CYP4X1: variants seen among roughly 807,000 people sequenced by gnomAD.
CYP4X1 encodes cytochrome P450 4X1.
CYP4X1 carries 44 observed loss-of-function variants against 57.9 expected under a neutral mutation model. The observed-to-expected ratio is 0.76, with a 90% CI of 0.60 to 0.98. CYP4X1 has a LOEUF of 0.98. CYP4X1 is among the 50% of genes least tolerant of loss of function. The probability of loss-of-function intolerance (pLI) is 0.00; values close to 1 mark genes in which losing one functional copy is unlikely to be tolerated. For synonymous variants in CYP4X1, 227 were observed against 228.6 expected (o/e 0.99, Z 0.06); for missense variants, 532 against 623.9 (o/e 0.85, Z 1.57).
At chr1:47,010,513 C>T in the CYP4X1 span, among the ~76,000 whole-genome samples, 367 of 152,290 alleles carry the variant, frequency 2.4e-3, 2 homozygotes, top group African/African-American at 8.4e-3. Flanking sequence ...GACAGGGATG[C>T]CCTCTCTCAC....
At chr1:46,984,289 G>T in the CYP4X1 span, among the ~76,000 whole-genome samples, 3 of 151,380 alleles carry the variant, frequency 2.0e-5, no homozygotes, top group Non-Finnish European at 4.4e-5. Flanking sequence ...CTCTCTGTGG[G>T]TTGCATTTCT....
chr1:46,963,394 G>A, the CYP4X1 span, among the ~76,000 whole-genome samples: 42 of 151,044 alleles, frequency 2.8e-4, no homozygotes, highest in Non-Finnish European at 5.9e-4. Flanking sequence ...GCTGGTACTG[G>A]TTGTTCCTTT....
the CYP4X1 span, among the ~76,000 whole-genome samples, chr1:47,010,854 C>T: frequency 2.1e-3 from 326 of 152,104 alleles, 1 homozygote; most frequent in Non-Finnish European, 3.9e-3. Context: ...TTACAAGGGA[C>T]GTGAAGGACC....
intron 2 of CYP4X1, among the ~76,000 whole-genome samples, chr1:47,031,043 A>C (rs1476689177): frequency 6.6e-6 from 1 of 152,204 alleles, no homozygotes; most frequent in Non-Finnish European, 1.5e-5. Context: ...CAAAAACACC[A>C]AGAGGCATTG....
At chr1:47,042,939 A>G (rs952048032) in intron 8 of CYP4X1, among the ~76,000 whole-genome samples, 6 of 152,152 alleles carry the variant, frequency 3.9e-5, no homozygotes, top group Non-Finnish European at 8.8e-5. Context: ...TGTCTTTTTC[A>G]TATAATGACT....
At chr1:47,051,603 A>G (rs1358145503), downstream of CYP4X1, among the ~76,000 whole-genome samples, 1 of 152,164 alleles carries the variant, frequency 6.6e-6, no homozygotes, top group African/African-American at 2.4e-5. Flanking sequence ...ATCATCACTT[A>G]TAACATGATG....
upstream of CYP4X1, among the ~76,000 whole-genome samples, chr1:47,021,555 C>CT (rs1557598612): frequency 6.6e-6 from 1 of 152,156 alleles, no homozygotes; most frequent in South Asian, 2.1e-4. Context: ...TACCTTGCAT[C>CT]TTTTTTTGGA....
At chr1:46,978,427 A>T in the CYP4X1 span, among the ~76,000 whole-genome samples, 3 of 152,164 alleles carry the variant, frequency 2.0e-5, no homozygotes, top group Non-Finnish European at 4.4e-5. Flanking sequence ...AGAAGAGCTA[A>T]CTATTCTAAA....
the CYP4X1 span, among the ~76,000 whole-genome samples, chr1:46,992,732 A>C: frequency 6.6e-6 from 1 of 152,152 alleles, no homozygotes; most frequent in African/African-American, 2.4e-5. Context: ...ATCTGTTCAA[A>C]TCCCTGTTTT....
the CYP4X1 span, among the ~76,000 whole-genome samples, chr1:46,990,522 C>T: frequency 6.6e-6 from 1 of 152,264 alleles, no homozygotes; most frequent in Non-Finnish European, 1.5e-5. Context: ...ACTAGAAATA[C>T]CATTTGACCC....
rs61742240 is a variant in CYP4X1, at chr1:47,046,539, G to A, written c.1146G>A (p.Pro382=). 32 of 1,613,930 alleles carry A rather than the reference G, an allele frequency of 2.0e-5. No individual in the cohort carries two copies. The highest frequency in any genetic ancestry group is 1.6e-4 in the Middle Eastern group (1 of 6,084). Residue 382 remains proline, a synonymous_variant, in exon 9 of 12, where the codon CCG becomes CCA. Transcript: ENST00000371901. ...CGTGCCGATTGATTCCTGCAGTCCC[G>A]TCCATTTCCAGAGATCTCAGCAAGC... The part of the protein sequence containing the change: ...KETCRLIPAV[P]SISRDLSKPL...
chr1:47,038,865 T>C lies in CYP4X1; in HGVS notation c.882+99T>C, dbSNP rs1018449133. ...GATGGGGAGACAAGAATAAAACCGA[T>C]TGACTAAATTTAACTGTACTTTGAA... On this transcript the variant is annotated intron_variant, in intron 7 of 11. Coordinates refer to ENST00000371901, the MANE Select transcript of CYP4X1 (RefSeq NM_178033.2). 6.5e-5 allele frequency: 55 copies of C among 847,176 alleles called. No homozygotes were observed. The South Asian group carries it at 7.0e-4, about 11-fold the overall frequency. 52.5% of individuals were successfully genotyped at this position (847,176 alleles called of 1,614,324 possible).
Position 47,050,085 on chromosome 1 carries a change from C to T in CYP4X1, c.1441C>T (p.Pro481Ser). Reference sequence around the variant, plus strand: ...GCTCCACTTCAGAGTGACTCCAGACCCCACCAGGCCTCTTACTTTCCCCAA... The same window carrying T: ...GCTCCACTTCAGAGTGACTCCAGACTCCACCAGGCCTCTTACTTTCCCCAA... ...ILLHFRVTPD[P>S]TRPLTFPNHF... Residue 481 changes from proline to serine, a missense_variant, in exon 12 of 12, where the codon CCC becomes TCC. Pro to Ser is a moderately conservative substitution (Grantham distance 74, BLOSUM62 -1). Transcript: ENST00000371901. The T allele has an allele frequency of 6.2e-7, 1 of 1,613,950 alleles. No homozygotes were observed. The highest frequency in any genetic ancestry group is 8.5e-7 in the Non-Finnish European group (1 of 1,179,990).
the CYP4X1 span, among the ~76,000 whole-genome samples, chr1:46,980,322 A>C: frequency 1.3e-5 from 2 of 152,328 alleles, no homozygotes; most frequent in Admixed American, 6.5e-5. Context: ...AAGCATTCTT[A>C]TACACCAATA....
chr1:47,003,359 A>C, the CYP4X1 span, among the ~76,000 whole-genome samples: 1 of 152,198 alleles, frequency 6.6e-6, no homozygotes. Context: ...AATTGTCCCC[A>C]TATTGGGTGA....
the CYP4X1 span, among the ~76,000 whole-genome samples, chr1:46,992,398 GC>G: frequency 1.3e-5 from 2 of 152,084 alleles, no homozygotes; most frequent in African/African-American, 4.8e-5. Context: ...TAACCATTAA[GC>G]AATACTTCCC....
chr1:46,975,335 G>C, the CYP4X1 span, among the ~76,000 whole-genome samples: 1 of 151,988 alleles, frequency 6.6e-6, no homozygotes, highest in South Asian at 2.1e-4. Context: ...GCACCCCCCT[G>C]GGACCTTTTG....
intron 3 of CYP4X1, 68 bp downstream of exon 3, chr1:47,031,548 C>T: frequency 6.5e-7 from 1 of 1,535,526 alleles, no homozygotes; most frequent in South Asian, 1.1e-5. Flanking sequence ...GTAGAGCATG[C>T]CAAAGAAACT....
intron 1 of CYP4X1, among the ~76,000 whole-genome samples, chr1:47,029,154 T>C (rs752896045): frequency 2.6e-5 from 4 of 152,198 alleles, no homozygotes; most frequent in Non-Finnish European, 5.9e-5. Flanking sequence ...GCCTTAAGAT[T>C]ACTTTGCAGC....
Sources: gnomAD v4.1 joint callset for allele counts (sites outside exome capture counted in the v4.1 genomes callset) on GRCh38, gnomAD v4.1.1 for gene constraint, MANE v1.5 for transcripts, NCBI Gene and HGNC (gene_info 2026-07-23, HGNC 2026-07-21) for gene names.